The following PUDP variants were observed in gnomAD, a reference collection of about 807,000 sequenced individuals.
PUDP encodes pseudouridine 5'-phosphatase.
In PUDP, 8 loss-of-function variants were observed where a neutral mutation model predicts 9.4. That is an observed-to-expected ratio of 0.85 (90% CI 0.50 to 1.53). PUDP has a LOEUF of 1.53. Ranked by LOEUF, PUDP falls within the 40% of genes most tolerant of loss-of-function variation. PUDP has a pLI of 0.00. For synonymous variants in PUDP, 99 were observed against 80.7 expected (o/e 1.23, Z -1.22); for missense variants, 188 against 189.7 (o/e 0.99, Z 0.05).
intron 3 of PUDP, among the ~76,000 whole-genome samples, chrX:7,056,673 C>T (rs1456074833): frequency 9.0e-6 from 1 of 111,115 alleles, no homozygotes; most frequent in Non-Finnish European, 1.9e-5. Flanking sequence ...CATGGCAAAT[C>T]GTGAGCACTG....
chrX:6,799,013 A>T (rs1034424749), intron 3 of PUDP, among the ~76,000 whole-genome samples: 4 of 111,868 alleles, frequency 3.6e-5, no homozygotes, highest in Non-Finnish European at 7.5e-5. Context: ...TGGAACTCCC[A>T]GTCTCAAGTA....
chrX:6,765,962 A>G (rs1332914021), intron 3 of PUDP, among the ~76,000 whole-genome samples: 1 of 111,679 alleles, frequency 9.0e-6, no homozygotes, highest in African/African-American at 3.3e-5. Flanking sequence ...CTGGAAACCA[A>G]ACACACACAA....
intron 3 of PUDP, among the ~76,000 whole-genome samples, chrX:6,953,549 T>C (rs1269155874): frequency 9.1e-6 from 1 of 110,468 alleles, no homozygotes; most frequent in East Asian, 2.8e-4. Context: ...AGTCATAAAA[T>C]AGGTAGGATA....
chrX:6,914,332 G>T (rs1927896461), intron 3 of PUDP, among the ~76,000 whole-genome samples: 1 of 111,339 alleles, frequency 9.0e-6, no homozygotes, highest in Admixed American at 9.5e-5. Context: ...CATCTGCTTT[G>T]GTGATTAATT....
At chrX:6,813,491 A>C (rs1440865813) in intron 3 of PUDP, among the ~76,000 whole-genome samples, 1 of 111,667 alleles carries the variant, frequency 9.0e-6, no homozygotes, top group East Asian at 2.8e-4. Flanking sequence ...TCTCTCCTGC[A>C]ACCCACCCAG....
intron 1 of PUDP, among the ~76,000 whole-genome samples, chrX:6,720,698 C>T (rs1444502423): frequency 9.1e-6 from 1 of 109,750 alleles, no homozygotes; most frequent in Non-Finnish European, 1.9e-5. Context: ...TAACTATGCA[C>T]AGTGATAGAT....
intron 1 of PUDP, among the ~76,000 whole-genome samples, chrX:7,146,846 T>G (rs999495353): frequency 1.8e-4 from 19 of 107,045 alleles, no homozygotes; most frequent in Non-Finnish European, 3.1e-4. Flanking sequence ...TTTTTTTTTT[T>G]TTTTTTTTTT....
chrX:7,054,218 G>A (rs1409093315), intron 3 of PUDP, among the ~76,000 whole-genome samples: 3 of 111,099 alleles, frequency 2.7e-5, no homozygotes, highest in African/African-American at 6.6e-5. Flanking sequence ...AGACCAGCCT[G>A]GCCAACATGG....
chrX:7,111,910 T>C lies in PUDP; in HGVS notation c.62-6072A>G, dbSNP rs1171971934. Among the ~76,000 whole-genome samples the C allele has an allele frequency of 2.7e-5, 3 of 110,205 alleles. No homozygotes were observed. In the Admixed American group the frequency reaches 2.9e-4, roughly 11 times the overall value. ...TAGGGAATTGACAAGATCTGCTGTC[T>C]CCCTTAACAGCAACGCTCCAGTAAG... On this transcript the variant is annotated intron_variant, in intron 1 of 3. Coordinates refer to ENST00000381077, the MANE Select transcript of PUDP (RefSeq NM_012080.5).
intron 1 of PUDP, among the ~76,000 whole-genome samples, chrX:7,023,845 G>A (rs1929667833): frequency 9.0e-6 from 1 of 111,512 alleles, no homozygotes; most frequent in Admixed American, 9.5e-5. Flanking sequence ...TCCAACGTAC[G>A]CCCAATGTAT....
chrX:6,924,065 C>T (rs1037312769), intron 3 of PUDP, among the ~76,000 whole-genome samples: 1 of 111,152 alleles, frequency 9.0e-6, no homozygotes, highest in African/African-American at 3.3e-5. Flanking sequence ...TGCAAAGTCA[C>T]CATCTAAGGG....
chrX:7,128,104 T>A (rs1360563664), intron 1 of PUDP, among the ~76,000 whole-genome samples: 1 of 111,531 alleles, frequency 9.0e-6, no homozygotes, highest in Non-Finnish European at 1.9e-5. Context: ...TGCAGTGGTA[T>A]GATCTTGGCT....
chrX:6,805,443 C>G (rs1045438755), intron 3 of PUDP, among the ~76,000 whole-genome samples: 1 of 110,417 alleles, frequency 9.1e-6, no homozygotes, highest in African/African-American at 3.3e-5. Context: ...AATGAAAAAG[C>G]ATCAAAGTGC....
chrX:6,779,042 C>A (rs1925514421), intron 3 of PUDP, among the ~76,000 whole-genome samples: 3 of 111,422 alleles, frequency 2.7e-5, no homozygotes, highest in Non-Finnish European at 1.9e-5. Context: ...ATACTAGGTG[C>A]GCATAAGAGC....
chrX:6,809,453 C>A (rs185113500), intron 3 of PUDP, among the ~76,000 whole-genome samples: 1 of 107,984 alleles, frequency 9.3e-6, no homozygotes, highest in Non-Finnish European at 1.9e-5. Context: ...ACATCACACC[C>A]GACTAATTTA....
At position 6,844,197 on chromosome X, in the gene PUDP, C is replaced by T. The variant is rs768190662; in HGVS notation, c.*247+132936G>A. The stretch of plus-strand genomic sequence containing the variant: ...CCATATATAAGGACCCTTGTGATTA[C>T]ACTGGGTCCATCTGGATACTCCAGA... On this transcript the variant is annotated intron_variant and NMD_transcript_variant, in intron 3 of 3. Transcript: ENST00000655425. Among the ~76,000 whole-genome samples the T allele has an allele frequency of 1.4e-3, 163 of 112,840 alleles. 1 individual carries two copies. Among genetic ancestry groups the T allele is most frequent in the Non-Finnish European group, 2.5e-3 (132 of 53,351 alleles).
chrX:7,066,102 A>G (rs997710514), intron 3 of PUDP, among the ~76,000 whole-genome samples: 1 of 112,149 alleles, frequency 8.9e-6, no homozygotes, highest in African/African-American at 3.2e-5. Flanking sequence ...ATGGGGGAAT[A>G]GTGACTAGAT....
chrX:7,021,689 T>C (rs888843175), intron 1 of PUDP, among the ~76,000 whole-genome samples: 5 of 111,883 alleles, frequency 4.5e-5, no homozygotes, highest in Non-Finnish European at 7.5e-5. Flanking sequence ...GTCAAAACTA[T>C]AGCTATAAAT....
rs991446202 is a variant in PUDP, at chrX:7,112,309, T to C, written c.62-6471A>G. On this transcript the variant is annotated intron_variant, in intron 1 of 3. Coordinates refer to ENST00000381077, the MANE Select transcript of PUDP (RefSeq NM_012080.5). Reference sequence around the variant, plus strand: ...AGAACGTTCTGTGTCATGGAACATATGAATTCTAATACCTTTTAAAAATAA... The same window carrying C: ...AGAACGTTCTGTGTCATGGAACATACGAATTCTAATACCTTTTAAAAATAA... Among the ~76,000 whole-genome samples, 8 of 112,266 alleles carry C rather than the reference T, an allele frequency of 7.1e-5. No individual in the cohort carries two copies. The East Asian group carries it at 1.1e-3, about 16-fold the overall frequency.
Sources: allele counts gnomAD v4.1 joint callset (sites outside exome capture counted in the v4.1 genomes callset), GRCh38; gene constraint gnomAD v4.1.1; transcripts MANE v1.5; gene names NCBI Gene and HGNC (gene_info 2026-07-23, HGNC 2026-07-21).